Variants in SPARC observed in about 807,000 individuals in gnomAD.
The protein encoded by SPARC is basement-membrane protein 40.
SPARC carries 23 observed loss-of-function variants against 37.7 expected under a neutral mutation model. That is an observed-to-expected ratio of 0.61 (90% CI 0.44 to 0.87). The LOEUF is 0.87. Among genes scored for constraint, SPARC ranks in the 40% least tolerant of loss-of-function variants. The pLI, the probability that SPARC is intolerant of heterozygous loss-of-function variation, is 0.00. For missense variants in SPARC, 312 were observed against 389.0 expected, an observed-to-expected ratio of 0.80 and a Z score of 1.66; for synonymous variants, 155 against 150.8, an observed-to-expected ratio of 1.03 and a Z score of -0.20.
intron 8 of SPARC, among the ~76,000 whole-genome samples, chr5:151,664,534 TTTGG>T (rs1760583666): frequency 6.6e-6 from 1 of 152,114 alleles, no homozygotes; most frequent in South Asian, 2.1e-4. Flanking sequence ...CAAAGGTCTG[TTTGG>T]TGTATTTGAT....
chr5:151,680,623 C>T (rs536331492), intron 1 of SPARC, among the ~76,000 whole-genome samples: 2 of 152,240 alleles, frequency 1.3e-5, no homozygotes, highest in East Asian at 3.9e-4. Flanking sequence ...GGCAGTATAG[C>T]ATAAAGGTAA....
At position 151,671,627 on chromosome 5, in the gene SPARC, C is replaced by A; in HGVS notation, c.276G>T (p.Met92Ile). The A allele has an allele frequency of 6.2e-7, 1 of 1,607,956 alleles. No homozygotes were observed. The highest frequency in any genetic ancestry group is 8.5e-7 in the Non-Finnish European group (1 of 1,176,856). Reference protein sequence around the residue: ...VCELDENNTPMCVCQDPTSCP... With the variant: ...VCELDENNTPICVCQDPTSCP... ...AGCTGGTGGGGTCCTGGCACACGCA[C>A]ATGGGGGTGTTGTTCTCATCCAGCT... The change falls in exon 5 of 10, where the codon ATG becomes ATT. Residue 92 changes from methionine to isoleucine, a missense_variant. Coordinates refer to ENST00000231061, the MANE Select transcript of SPARC (RefSeq NM_003118.4).
chr5:151,669,843 A>C lies in SPARC; in HGVS notation c.331-59T>G, dbSNP rs7719521. 958,246 of 1,600,710 alleles carry C rather than the reference A, an allele frequency of 0.6. 289,503 individuals carry two copies. Among genetic ancestry groups the C allele is most frequent in the African/African-American group, 0.78 (58,549 of 74,842 alleles). On this transcript the variant is annotated intron_variant, in intron 5 of 9. Coordinates refer to ENST00000231061, the MANE Select transcript of SPARC (RefSeq NM_003118.4). ...TTCCCAAAGCCCTTCGCTGATACCA[A>C]TATCCTTGTCCATTTCAGAGATGGG...
At position 151,675,332 on chromosome 5, in the gene SPARC, G is replaced by C. The variant is rs74605284; in HGVS notation, c.58-658C>G. Among the ~76,000 whole-genome samples, 915 of 152,236 alleles carry C rather than the reference G, an allele frequency of 6.0e-3. 11 individuals carry two copies. The highest frequency in any genetic ancestry group is 0.021 in the African/African-American group (869 of 41,526). On this transcript the variant is annotated intron_variant, in intron 2 of 9. Transcript: ENST00000231061. ...AGAAATTGCACTTTTTGCCTGCCCTGTTTCTTCCTCCTCTCCTTGTGAAGG... is the reference window on the plus strand; with the variant it reads ...AGAAATTGCACTTTTTGCCTGCCCTCTTTCTTCCTCCTCTCCTTGTGAAGG...
At chr5:151,672,636 G>C (rs1435793718) in intron 4 of SPARC, 1 of 165,226 alleles carries the variant, frequency 6.1e-6, no homozygotes, top group African/African-American at 2.4e-5. Flanking sequence ...CGCATGGATA[G>C]CATGGTACGG....
intron 1 of SPARC, among the ~76,000 whole-genome samples, chr5:151,677,700 CAT>C (rs1760891315): frequency 6.6e-6 from 1 of 152,170 alleles, no homozygotes; most frequent in Admixed American, 6.5e-5. Flanking sequence ...CCTCTGGGAT[CAT>C]ATGTCTTCAC....
At chr5:151,669,480 C>G (rs1353078273) in intron 6 of SPARC, among the ~76,000 whole-genome samples, 184 bp downstream of exon 6, 1 of 152,186 alleles carries the variant, frequency 6.6e-6, no homozygotes, top group African/African-American at 2.4e-5. Context: ...GTGCCCTGAA[C>G]TCAGAGTTGA....
intron 4 of SPARC, chr5:151,672,846 A>G: frequency 2.3e-6 from 1 of 428,238 alleles, no homozygotes; most frequent in South Asian, 2.8e-5. Flanking sequence ...TCAGCTTTGG[A>G]CTCAGGGCAA....
At chr5:151,670,797 T>C (rs143743909) in intron 5 of SPARC, among the ~76,000 whole-genome samples, 2 of 152,114 alleles carry the variant, frequency 1.3e-5, no homozygotes, top group East Asian at 3.8e-4. Flanking sequence ...CACTGGTGAC[T>C]GGGCACTGGG....
chr5:151,673,205 T>G lies in SPARC; in HGVS notation c.132A>C (p.Gly44=), dbSNP rs1225015337. The change falls in exon 4 of 10, where the codon GGA becomes GGC. Residue 44 remains glycine, a synonymous_variant. Transcript: ENST00000231061. ...TVAEVTEVSV[G]ANPVQVEVGE... ...CTACTTCCACCTGGACAGGATTAGC[T>G]CCCACAGATACCTGGAATTGAGGGA... 1 of 1,611,804 alleles carries G rather than the reference T, an allele frequency of 6.2e-7. No homozygotes were observed. The highest frequency in any genetic ancestry group is 8.5e-7 in the Non-Finnish European group (1 of 1,177,946).
At chr5:151,663,650 A>G in intron 9 of SPARC, 51 bp from the exon 10 acceptor site, 1 of 1,600,936 alleles carries the variant, frequency 6.2e-7, no homozygotes, top group South Asian at 1.1e-5. Flanking sequence ...GTCGATGATA[A>G]CGCACTTCCC....
At chr5:151,678,491 C>CA (rs1419316499) in intron 1 of SPARC, among the ~76,000 whole-genome samples, 2 of 152,288 alleles carry the variant, frequency 1.3e-5, no homozygotes, top group Non-Finnish European at 2.9e-5. Context: ...AAAGCACTGT[C>CA]ACATAACACT....
At chr5:151,669,808 C>T (rs978965896) in intron 5 of SPARC, 24 bp from the exon 6 acceptor site, 1 of 1,613,416 alleles carries the variant, frequency 6.2e-7, no homozygotes, top group South Asian at 1.1e-5. Context: ...ACAGAGTACC[C>T]CCTCCTTCAT....
At chr5:151,668,449 G>A (rs1760678709) in intron 6 of SPARC, among the ~76,000 whole-genome samples, 1 of 152,148 alleles carries the variant, frequency 6.6e-6, no homozygotes, top group African/African-American at 2.4e-5. Flanking sequence ...CACCGCGCCT[G>A]ACCCAGGTTC....
In SPARC at chr5:151,680,869, T is replaced by C. The variant is rs577581649; in HGVS notation, c.-13-4668A>G. Among the ~76,000 whole-genome samples the C allele has an allele frequency of 2.6e-5, 4 of 152,228 alleles. No homozygotes were observed. In the South Asian group the frequency reaches 8.3e-4, roughly 32 times the overall value. ...GAAGAGCATCTTATAAAGTCCGAGG[T>C]TCCCAGAATCTCCATCCCCCGAAAG... On this transcript the variant is annotated intron_variant, in intron 1 of 9. Transcript: ENST00000231061.
rs532217814 is a variant in SPARC at position 151,664,126 on chromosome 5, C to T, written c.844G>A (p.Ala282Thr). The change falls in exon 9 of 10, where the codon GCC (alanine) becomes ACC (threonine). Residue 282 changes from alanine (A) to threonine (T), a missense_variant. Physicochemically the swap from Ala to Thr is moderately conservative, Grantham distance 58. Transcript: ENST00000231061. ...TCDLDNDKYIALDEWAGCFGI... is the reference protein window; with the variant it reads ...TCDLDNDKYITLDEWAGCFGI... ...AAGCAGCCGGCCCACTCATCCAGGG[C>T]GATGTACTTGTCATTGTCCAGGTCA... is the stretch of plus-strand genomic sequence containing the variant. The T allele has an allele frequency of 8.7e-6, 14 of 1,614,028 alleles. No individual in the cohort carries two copies. The highest frequency in any genetic ancestry group is 7.7e-5 in the South Asian group (7 of 91,084).
At position 151,671,791 on chromosome 5, in the gene SPARC, G is replaced by C; in HGVS notation, c.209-97C>G. ...ATCTCAGGGCTGACAGTCCTTGACT[G>C]TGGCCCCCACTCTGGGCTTTGGACA... On this transcript the variant is annotated intron_variant, in intron 4 of 9. Coordinates refer to ENST00000231061, the MANE Select transcript of SPARC (RefSeq NM_003118.4). 2.6e-6 allele frequency: 4 copies of C among 1,531,346 alleles called. No individual in the cohort carries two copies. The South Asian group carries it at 3.7e-5, about 14-fold the overall frequency. The allele number at this position is 1,531,346 out of a possible 1,614,324, so 94.9% of individuals were successfully genotyped here.
At chr5:151,685,426 A>T (rs748412) in intron 1 of SPARC, among the ~76,000 whole-genome samples, 32,879 of 143,546 alleles carry the variant, frequency 0.23, 3,878 homozygotes, top group East Asian at 0.48. Context: ...TCTCTCTCAC[A>T]CACACACACA....
chr5:151,682,422 G>C (rs1761016205), intron 1 of SPARC, among the ~76,000 whole-genome samples: 1 of 152,144 alleles, frequency 6.6e-6, no homozygotes, highest in Admixed American at 6.5e-5. Flanking sequence ...AAGTGTCCAG[G>C]CTATTGCATC....
Sources: allele counts gnomAD v4.1 joint callset (sites outside exome capture counted in the v4.1 genomes callset), GRCh38; gene constraint gnomAD v4.1.1; transcripts MANE v1.5; gene names NCBI Gene and HGNC (gene_info 2026-07-23, HGNC 2026-07-21).